The following FOCAD variants were observed in gnomAD, a reference collection of about 807,000 sequenced individuals.
FOCAD encodes KIAA1797.
In FOCAD, 198 loss-of-function variants were observed where a neutral mutation model predicts 225.6. The ratio of observed to expected loss-of-function variants is 0.88; its 90% CI spans 0.78 to 0.99. The LOEUF (loss-of-function observed/expected upper bound fraction) is 0.99. Ranked by LOEUF, FOCAD falls within the 50% of genes least tolerant of loss-of-function variation. The pLI, the probability that FOCAD is intolerant of heterozygous loss-of-function variation, is 0.00. For missense variants in FOCAD, 2,713 were observed against 2,123.6 expected, an observed-to-expected ratio of 1.28 and a Z score of -5.46; for synonymous variants, 897 against 755.0, an observed-to-expected ratio of 1.19 and a Z score of -3.08.
At chr9:20,970,062 T>G (rs1839629731) in intron 35 of FOCAD, among the ~76,000 whole-genome samples, 1 of 151,722 alleles carries the variant, frequency 6.6e-6, no homozygotes, top group Non-Finnish European at 1.5e-5. Flanking sequence ...TGATGAGAAA[T>G]GAGCTGTTAA....
intron 21 of FOCAD, among the ~76,000 whole-genome samples, chr9:20,888,682 G>C (rs897941637): frequency 6.6e-6 from 1 of 152,106 alleles, no homozygotes; most frequent in Non-Finnish European, 1.5e-5. Context: ...GTTGCGGTAG[G>C]AACCCAGTGG....
At chr9:20,922,349 T>G (rs1054741230) in intron 24 of FOCAD, among the ~76,000 whole-genome samples, 9 of 146,354 alleles carry the variant, frequency 6.1e-5, no homozygotes, top group East Asian at 2.0e-4. Flanking sequence ...GGTGGGGGGG[T>G]GGTGGTGAAC....
intron 15 of FOCAD, among the ~76,000 whole-genome samples, chr9:20,831,043 G>A (rs1008648866): frequency 3.9e-5 from 6 of 152,112 alleles, no homozygotes; most frequent in South Asian, 2.1e-4. Flanking sequence ...ATTTAAATCC[G>A]TAGTTTTAAA....
At chr9:20,975,802 C>G (rs573939035) in intron 35 of FOCAD, among the ~76,000 whole-genome samples, 1 of 152,162 alleles carries the variant, frequency 6.6e-6, no homozygotes, top group South Asian at 2.1e-4. Context: ...AGATAAATAT[C>G]ACATATGTGG....
intron 8 of FOCAD, among the ~76,000 whole-genome samples, chr9:20,771,837 G>T (rs188324796): frequency 6.6e-6 from 1 of 152,182 alleles, no homozygotes; most frequent in Non-Finnish European, 1.5e-5. Flanking sequence ...GGCTGATTCT[G>T]TTCTTGATGA....
chr9:20,828,884 G>A lies in FOCAD; in HGVS notation c.1920+5769G>A, dbSNP rs141564677. Among the ~76,000 whole-genome samples, 10 of 152,130 alleles carry A rather than the reference G, an allele frequency of 6.6e-5. No homozygotes were observed. The East Asian group carries it at 1.2e-3, about 18-fold the overall frequency. ...ATCCCACTTATAATTGAGAACATGC[G>A]GTATTTGGTTTTCTGTTCCTGCGTT... is the stretch of plus-strand genomic sequence containing the variant. On this transcript the variant is annotated intron_variant, in intron 15 of 43. Transcript: ENST00000338382.
intron 37 of FOCAD, among the ~76,000 whole-genome samples, chr9:20,979,520 G>T (rs948933705): frequency 5.9e-5 from 9 of 152,136 alleles, no homozygotes; most frequent in East Asian, 1.9e-4. Context: ...TGTATTTTTA[G>T]TAGAGATGGG....
At chr9:20,986,206 T>C in intron 39 of FOCAD, 82 bp from the exon 40 acceptor site, 4 of 1,281,734 alleles carry the variant, frequency 3.1e-6, no homozygotes, top group Non-Finnish European at 4.1e-6. Context: ...TCATCTTTTT[T>C]GTTTTGCCCT....
intron 11 of FOCAD, among the ~76,000 whole-genome samples, chr9:20,802,670 G>A (rs1367871995): frequency 6.6e-6 from 1 of 152,138 alleles, no homozygotes; most frequent in Admixed American, 6.5e-5. Context: ...ATGAAACACT[G>A]TAGAGTCCAG....
At chr9:20,691,907 G>A (rs574206405) in intron 1 of FOCAD, among the ~76,000 whole-genome samples, 6 of 152,206 alleles carry the variant, frequency 3.9e-5, no homozygotes, top group East Asian at 1.9e-4. Context: ...TTGAGTAGCC[G>A]GGACTACAGG....
chr9:20,820,477 A>G (rs755273064), intron 13 of FOCAD, 52 bp downstream of exon 13: 24 of 1,463,062 alleles, frequency 1.6e-5, no homozygotes, highest in Non-Finnish European at 2.1e-5. Context: ...CTTTCACTGA[A>G]GGAAAATAAT....
At chr9:20,768,607 C>G (rs1817840118) in intron 7 of FOCAD, among the ~76,000 whole-genome samples, 1 of 152,076 alleles carries the variant, frequency 6.6e-6, no homozygotes, top group Admixed American at 6.6e-5. Context: ...TGGGAGTTCA[C>G]TCATGATTTG....
chr9:20,909,532 C>T (rs772970108), intron 22 of FOCAD, among the ~76,000 whole-genome samples: 1 of 152,134 alleles, frequency 6.6e-6, no homozygotes, highest in Admixed American at 6.6e-5. Context: ...CAATGCAGGT[C>T]AATTATTCTG....
intron 20 of FOCAD, among the ~76,000 whole-genome samples, chr9:20,883,132 C>G (rs998908659): frequency 6.6e-6 from 1 of 152,100 alleles, no homozygotes; most frequent in African/African-American, 2.4e-5. Context: ...ATATACTGCA[C>G]TAGACACAGG....
At chr9:20,728,259 T>C (rs1416907529) in intron 4 of FOCAD, among the ~76,000 whole-genome samples, 1 of 152,200 alleles carries the variant, frequency 6.6e-6, no homozygotes, top group Non-Finnish European at 1.5e-5. Context: ...TTTTATGTTT[T>C]TTGGATTTTG....
At chr9:20,972,483 G>T (rs1451097382) in intron 35 of FOCAD, among the ~76,000 whole-genome samples, 2 of 151,584 alleles carry the variant, frequency 1.3e-5, no homozygotes, top group Non-Finnish European at 2.9e-5. Flanking sequence ...ATTTTTATAT[G>T]CTCTCTTTTT....
At chr9:20,716,179 G>T (rs776824781) in intron 2 of FOCAD, 1 of 471,706 alleles carries the variant, frequency 2.1e-6, no homozygotes, top group South Asian at 1.6e-5. Flanking sequence ...CTTCTACCTG[G>T]CTGGGTTGGA....
chr9:20,763,039 T>A (rs1829750904), intron 6 of FOCAD, among the ~76,000 whole-genome samples: 1 of 152,270 alleles, frequency 6.6e-6, no homozygotes, highest in Admixed American at 6.5e-5. Flanking sequence ...TCAGACTGTA[T>A]GCTTCTTGAG....
chr9:20,691,163 GA>G (rs1453422769), intron 1 of FOCAD, among the ~76,000 whole-genome samples: 1 of 152,090 alleles, frequency 6.6e-6, no homozygotes, highest in Non-Finnish European at 1.5e-5. Flanking sequence ...GACTGGTCTT[GA>G]ACTCCTGACC....
Sources: allele counts gnomAD v4.1 joint callset (sites outside exome capture counted in the v4.1 genomes callset), GRCh38; gene constraint gnomAD v4.1.1; transcripts MANE v1.5; gene names NCBI Gene and HGNC (gene_info 2026-07-23, HGNC 2026-07-21).